The following LCOR variants were observed in gnomAD, a reference collection of about 807,000 sequenced individuals.
The protein encoded by LCOR is ligand-dependent corepressor.
LCOR carries 14 observed loss-of-function variants against 64.4 expected under a neutral mutation model. The observed-to-expected ratio is 0.22, with a 90% CI of 0.14 to 0.34. The LOEUF (loss-of-function observed/expected upper bound fraction) is 0.34. Ranked by LOEUF, LCOR falls within the 10% of genes least tolerant of loss-of-function variation. The pLI, the probability that LCOR is intolerant of heterozygous loss-of-function variation, is 1.00. For missense variants in LCOR, 1,686 were observed against 1,765.3 expected, an observed-to-expected ratio of 0.96 and a Z score of 0.80; for synonymous variants, 643 against 642.5, an observed-to-expected ratio of 1.00 and a Z score of -0.01.
At position 96,985,925 on chromosome 10, in the gene LCOR, TGCTA is replaced by T. The variant is rs1848145816; in HGVS notation, c.*794_*797del. 6.0e-6 allele frequency: 1 copy of T among 167,080 alleles called. No individual in the cohort carries two copies. Among genetic ancestry groups the T allele is most frequent in the Non-Finnish European group, 1.5e-5 (1 of 68,112 alleles). 10.3% of individuals were successfully genotyped at this position (167,080 alleles called of 1,614,324 possible). A position where few individuals can be genotyped will look rare whatever the true frequency, so the allele number is the denominator to read the frequency against. On this transcript the variant is annotated 3_prime_UTR_variant, in exon 8 of 8. Transcript: ENST00000421806. ...TCACCATCTTCTTCATTTCTGGTCTTGCTAGCACTCCTGCAAGGCTTCCATCCTA... is the reference window on the plus strand; with the variant it reads ...TCACCATCTTCTTCATTTCTGGTCTTGCACTCCTGCAAGGCTTCCATCCTA...
chr10:96,956,497 G>A, intron 7 of LCOR: 8 of 982,392 alleles, frequency 8.1e-6, no homozygotes, highest in Non-Finnish European at 9.7e-6. Flanking sequence ...TAATTATTGG[G>A]TCATTTATAG....
intron 2 of LCOR, among the ~76,000 whole-genome samples, chr10:96,855,414 T>G (rs920041169): frequency 4.7e-5 from 7 of 147,492 alleles, no homozygotes; most frequent in Admixed American, 3.3e-4. Context: ...ACTGACGCTG[T>G]TTTTTTTTGT....
chr10:96,861,189 C>G (rs896489107), intron 2 of LCOR, among the ~76,000 whole-genome samples: 7 of 152,012 alleles, frequency 4.6e-5, no homozygotes, highest in Non-Finnish European at 8.8e-5. Context: ...TTTGAGGAAC[C>G]TAAGACTACT....
At chr10:96,862,776 C>G (rs1226749411) in intron 2 of LCOR, among the ~76,000 whole-genome samples, 1 of 152,118 alleles carries the variant, frequency 6.6e-6, no homozygotes, top group African/African-American at 2.4e-5. Context: ...ACTTTGTAGT[C>G]TCTAAGGATT....
At chr10:96,975,965 A>G (rs1156739471) in intron 7 of LCOR, among the ~76,000 whole-genome samples, 1 of 152,194 alleles carries the variant, frequency 6.6e-6, no homozygotes, top group Non-Finnish European at 1.5e-5. Flanking sequence ...CAGTGAGCCA[A>G]GATCACGCCA....
At chr10:96,964,605 G>A (rs1343163743) in intron 7 of LCOR, among the ~76,000 whole-genome samples, 4 of 152,086 alleles carry the variant, frequency 2.6e-5, no homozygotes, top group African/African-American at 9.7e-5. Flanking sequence ...AGTTGCTGCT[G>A]TGAGATTCTG....
In LCOR at chr10:96,910,539, G is replaced by T. The variant is rs535162069; in HGVS notation, c.-184+2792G>T. Among the ~76,000 whole-genome samples, 8 of 152,292 alleles carry T rather than the reference G, an allele frequency of 5.3e-5. No individual in the cohort carries two copies. In the South Asian group the frequency reaches 1.7e-3, roughly 32 times the overall value. On this transcript the variant is annotated intron_variant, in intron 4 of 7. Transcript: ENST00000421806. Reference sequence around the variant, plus strand: ...ATATTGGAACTCTTTGCAGTCACTTGGAGCATCTTGTCCGAGAAGGACTAG... The same window carrying T: ...ATATTGGAACTCTTTGCAGTCACTTTGAGCATCTTGTCCGAGAAGGACTAG...
intron 2 of LCOR, among the ~76,000 whole-genome samples, chr10:96,846,724 A>C (rs986730227): frequency 6.6e-6 from 1 of 152,242 alleles, no homozygotes; most frequent in Non-Finnish European, 1.5e-5. Flanking sequence ...GGCATGTTAA[A>C]ATAAATAGAC....
chr10:96,875,914 A>G (rs535097552), intron 2 of LCOR, among the ~76,000 whole-genome samples: 6 of 152,216 alleles, frequency 3.9e-5, no homozygotes, highest in Non-Finnish European at 7.4e-5. Flanking sequence ...GGAGGCACAA[A>G]ATTAGTAAGA....
chr10:96,853,113 C>G (rs1845747514), intron 2 of LCOR, among the ~76,000 whole-genome samples: 1 of 152,022 alleles, frequency 6.6e-6, no homozygotes, highest in Non-Finnish European at 1.5e-5. Context: ...GTGGTGTGAT[C>G]TTGGCTCACC....
chr10:96,983,028 A>T lies in LCOR; in HGVS notation c.2568A>T (p.Ser856=). ...KVPKNPSAKR[S]KKEGHPGGTT... ...CTAAAAATCCTAGTGCAAAACGTTCAAAAAAAGAAGGGCACCCTGGTGGGA... is the reference window on the plus strand; with the variant it reads ...CTAAAAATCCTAGTGCAAAACGTTCTAAAAAAGAAGGGCACCCTGGTGGGA... Residue 856 remains serine (S), a synonymous_variant, in exon 8 of 8, where the codon TCA becomes TCT. Transcript: ENST00000421806. This position sits in a 1 kb window ranked among gnomAD's most constrained non-coding sequence, Gnocchi z 4.5. 1 of 1,613,678 alleles carries T rather than the reference A, an allele frequency of 6.2e-7. No individual in the cohort carries two copies.
intron 4 of LCOR, among the ~76,000 whole-genome samples, chr10:96,930,505 T>C (rs1373743377): frequency 6.6e-6 from 1 of 152,250 alleles, no homozygotes; most frequent in Non-Finnish European, 1.5e-5. Context: ...TCAGTTTACA[T>C]AGTTTATCTC....
chr10:96,939,233 C>T (rs552541871), intron 4 of LCOR, among the ~76,000 whole-genome samples: 91 of 152,224 alleles, frequency 6.0e-4, no homozygotes, highest in Admixed American at 2.4e-3. Context: ...GCAAGAGTTC[C>T]AAAACAGTTC....
chr10:96,898,509 A>T (rs985114829), intron 2 of LCOR, among the ~76,000 whole-genome samples: 1 of 152,244 alleles, frequency 6.6e-6, no homozygotes, highest in African/African-American at 2.4e-5. Context: ...GATGATGTTT[A>T]GCAGCAGCAT....
At chr10:96,926,810 C>G (rs532742442) in intron 4 of LCOR, among the ~76,000 whole-genome samples, 1 of 152,060 alleles carries the variant, frequency 6.6e-6, no homozygotes, top group African/African-American at 2.4e-5. Flanking sequence ...TTATGTTTGA[C>G]TTCTTTTTGT....
At chr10:96,844,533 G>C (rs1180980830) in intron 2 of LCOR, among the ~76,000 whole-genome samples, 2 of 152,010 alleles carry the variant, frequency 1.3e-5, no homozygotes, top group South Asian at 2.1e-4. Flanking sequence ...TTCATTTTCT[G>C]TTCTCTGGCT....
chr10:96,979,579 A>G (rs2134561005), intron 7 of LCOR, among the ~76,000 whole-genome samples: 1 of 152,332 alleles, frequency 6.6e-6, no homozygotes, highest in East Asian at 1.9e-4. Flanking sequence ...GGTTGATTGT[A>G]AAAGGTGTAT....
intron 7 of LCOR, among the ~76,000 whole-genome samples, chr10:96,977,780 T>C (rs1848050647): frequency 6.6e-6 from 1 of 152,158 alleles, no homozygotes; most frequent in Non-Finnish European, 1.5e-5. Context: ...CAAGCGATCC[T>C]CCTACCTTAA....
chr10:96,870,757 C>G (rs745919888), intron 2 of LCOR, among the ~76,000 whole-genome samples: 12 of 152,188 alleles, frequency 7.9e-5, no homozygotes, highest in Non-Finnish European at 1.6e-4. Flanking sequence ...CTTCTCCCCT[C>G]CTAGTCCTTC....
Sources: allele counts gnomAD v4.1 joint callset (sites outside exome capture counted in the v4.1 genomes callset), GRCh38; gene constraint gnomAD v4.1.1; non-coding constraint Gnocchi (gnomAD v3.1); transcripts MANE v1.5; gene names NCBI Gene and HGNC (gene_info 2026-07-23, HGNC 2026-07-21).